Variants in PDE4D observed in about 807,000 individuals in gnomAD.
PDE4D encodes 3',5'-cyclic-AMP phosphodiesterase 4D.
A neutral mutation model predicts 87.4 loss-of-function variants in PDE4D; 24 were observed. The ratio of observed to expected loss-of-function variants is 0.27; its 90% CI spans 0.20 to 0.39. The LOEUF is 0.39. Among genes scored for constraint, PDE4D ranks in the 10% least tolerant of loss-of-function variants. The probability of loss-of-function intolerance (pLI) is 1.00; values close to 1 mark genes in which losing one functional copy is unlikely to be tolerated. For missense variants in PDE4D, 714 were observed against 1,041.0 expected (o/e 0.69, Z 4.32); for synonymous variants, 384 against 383.2 (o/e 1.00, Z -0.02).
intron 1 of PDE4D, among the ~76,000 whole-genome samples, chr5:59,574,163 T>TATAA (rs1554032740): frequency 9.5e-6 from 1 of 105,552 alleles, no homozygotes; most frequent in African/African-American, 3.8e-5. Context: ...TTTATATATA[T>TATAA]ATATATATAA....
chr5:59,833,862 G>A (rs1741616220), intron 1 of PDE4D, among the ~76,000 whole-genome samples: 1 of 152,014 alleles, frequency 6.6e-6, no homozygotes, highest in Non-Finnish European at 1.5e-5. Context: ...TTTCTCTTGT[G>A]TATTCAGTTG....
rs34236719 is a variant in PDE4D, at chr5:60,143,603, T to TTGTGTGTGTGTGTGTGTG, written c.42+41936_42+41953dup. 2.4e-3 allele frequency among the ~76,000 whole-genome samples: 281 copies of TTGTGTGTGTGTGTGTGTG among 117,748 alleles called. 4 individuals are homozygous for TTGTGTGTGTGTGTGTGTG. The highest frequency in any genetic ancestry group is 8.6e-3 in the African/African-American group (260 of 30,152). 77.2% of individuals were successfully genotyped at this position (117,748 alleles called of 152,430 possible). A position where few individuals can be genotyped will look rare whatever the true frequency, so the allele number is the denominator to read the frequency against. On this transcript the variant is annotated intron_variant, in intron 2 of 16. Transcript: ENST00000502484. ...AAATGACCTAGGAGCAGCTTGGGAATTGTGTGTGTGTGTGTGTGTGTGTGT... is the reference window on the plus strand; with the variant it reads ...AAATGACCTAGGAGCAGCTTGGGAATTGTGTGTGTGTGTGTGTGTGTGTGTGTGTGTGTGTGTGTGTGT...
chr5:60,007,976 G>C (rs568134940), intron 2 of PDE4D, among the ~76,000 whole-genome samples: 4 of 152,000 alleles, frequency 2.6e-5, no homozygotes, highest in African/African-American at 9.6e-5. Context: ...AAGAGTGGCT[G>C]AGTACAAACA....
intron 1 of PDE4D, among the ~76,000 whole-genome samples, chr5:60,226,893 A>G (rs1745177568): frequency 6.6e-6 from 1 of 151,898 alleles, no homozygotes; most frequent in African/African-American, 2.4e-5. Context: ...TATTAAACTA[A>G]CTTCACCATC....
chr5:60,456,820 G>A (rs754089862), intron 1 of PDE4D, among the ~76,000 whole-genome samples: 1 of 152,104 alleles, frequency 6.6e-6, no homozygotes, highest in African/African-American at 2.4e-5. Flanking sequence ...ACACGCCCGA[G>A]TTATCCTCTG....
intron 1 of PDE4D, among the ~76,000 whole-genome samples, chr5:60,286,960 G>T (rs1752472156): frequency 6.6e-6 from 1 of 152,154 alleles, no homozygotes; most frequent in African/African-American, 2.4e-5. Context: ...AGTATGAAAG[G>T]TATGGCTTCA....
chr5:60,054,447 C>T (rs749750802), intron 2 of PDE4D, among the ~76,000 whole-genome samples: 4 of 151,998 alleles, frequency 2.6e-5, no homozygotes, highest in African/African-American at 4.8e-5. Context: ...AACCAAACAC[C>T]GCATGTTCTC....
chr5:59,635,462 T>C (rs1451432807), intron 1 of PDE4D, among the ~76,000 whole-genome samples: 1 of 152,160 alleles, frequency 6.6e-6, no homozygotes, highest in African/African-American at 2.4e-5. Context: ...CCAAATATCC[T>C]TGATGAACAT....
At chr5:59,362,374 C>CTATT (rs2153593631) in intron 1 of PDE4D, among the ~76,000 whole-genome samples, 1 of 152,228 alleles carries the variant, frequency 6.6e-6, no homozygotes, top group South Asian at 2.1e-4. Context: ...ACACTTTTCT[C>CTATT]TATTTGAAAT....
intron 1 of PDE4D, among the ~76,000 whole-genome samples, chr5:59,851,502 G>C (rs546598129): frequency 6.6e-6 from 1 of 151,924 alleles, no homozygotes; most frequent in Admixed American, 6.6e-5. Flanking sequence ...TTCAGGCCTT[G>C]TGTAATTTCC....
chr5:59,759,340 C>T (rs1322130543), intron 1 of PDE4D, among the ~76,000 whole-genome samples: 1 of 152,022 alleles, frequency 6.6e-6, no homozygotes, highest in African/African-American at 2.4e-5. Flanking sequence ...CAAGAAAGAC[C>T]ATGTCTTCTT....
At chr5:59,834,683 G>T (rs1741737880) in intron 1 of PDE4D, among the ~76,000 whole-genome samples, 1 of 152,122 alleles carries the variant, frequency 6.6e-6, no homozygotes, top group Admixed American at 6.6e-5. Flanking sequence ...ACTGAGCATT[G>T]TTCCCCAGTA....
intron 5 of PDE4D, among the ~76,000 whole-genome samples, chr5:59,051,534 T>C (rs1410897447): frequency 2.0e-5 from 3 of 152,226 alleles, no homozygotes; most frequent in Non-Finnish European, 4.4e-5. Context: ...CCAATCAATA[T>C]TGTCCTTATA....
At chr5:59,073,551 G>C (rs533521824) in intron 5 of PDE4D, among the ~76,000 whole-genome samples, 53 of 151,658 alleles carry the variant, frequency 3.5e-4, no homozygotes, top group African/African-American at 1.2e-3. Flanking sequence ...TGGTAGGCTT[G>C]ATTCAAATTA....
At chr5:60,207,332 T>G (rs1742664680) in intron 1 of PDE4D, among the ~76,000 whole-genome samples, 1 of 152,232 alleles carries the variant, frequency 6.6e-6, no homozygotes, top group Non-Finnish European at 1.5e-5. Context: ...TGCTTGGCAC[T>G]TGAGTGCCTT....
intron 1 of PDE4D, among the ~76,000 whole-genome samples, chr5:60,257,397 T>C (rs1749204649): frequency 6.6e-6 from 1 of 151,970 alleles, no homozygotes; most frequent in African/African-American, 2.4e-5. Flanking sequence ...TAGGACAATT[T>C]TTGTGGCAGC....
chr5:59,054,270 T>C (rs929610743), intron 5 of PDE4D, among the ~76,000 whole-genome samples: 3 of 152,182 alleles, frequency 2.0e-5, no homozygotes, highest in Non-Finnish European at 2.9e-5. Context: ...ATACAAGGTT[T>C]TGGGGAAGTT....
intron 1 of PDE4D, among the ~76,000 whole-genome samples, chr5:59,681,305 A>C (rs1748963260): frequency 6.6e-6 from 1 of 152,216 alleles, no homozygotes; most frequent in African/African-American, 2.4e-5. Context: ...AACAATATTA[A>C]AGGATAACAA....
At chr5:60,369,687 T>C (rs953966073) in intron 1 of PDE4D, among the ~76,000 whole-genome samples, 1 of 152,100 alleles carries the variant, frequency 6.6e-6, no homozygotes, top group East Asian at 1.9e-4. Flanking sequence ...TTTAATGAGA[T>C]TGAGGCTTGT....
Sources: allele counts gnomAD v4.1 joint callset (sites outside exome capture counted in the v4.1 genomes callset), GRCh38; gene constraint gnomAD v4.1.1; transcripts MANE v1.5; gene names NCBI Gene and HGNC (gene_info 2026-07-23, HGNC 2026-07-21).